Variants in ITPR2 observed in about 807,000 individuals in gnomAD.
ITPR2 encodes inositol 1,4,5-trisphosphate-gated calcium channel ITPR2.
ITPR2 carries 207 observed loss-of-function variants against 317.1 expected under a neutral mutation model. That is an observed-to-expected ratio of 0.65 (90% confidence interval 0.58 to 0.73). The LOEUF (loss-of-function observed/expected upper bound fraction) is 0.73, where lower values mean the gene tolerates loss of function less well. Ranked by LOEUF, ITPR2 falls within the 30% of genes least tolerant of loss-of-function variation. The pLI, the probability that ITPR2 is intolerant of heterozygous loss-of-function variation, is 0.00. For synonymous variants in ITPR2, 1,156 were observed against 1,149.1 expected, an observed-to-expected ratio of 1.01 and a Z score of -0.12; for missense variants, 2,613 against 3,284.0, an observed-to-expected ratio of 0.80 and a Z score of 4.99.
rs567336761 is a variant in ITPR2, at chr12:26,500,727, G to A, written c.5074-5467C>T. Among the ~76,000 whole-genome samples, 8 of 152,246 alleles carry A rather than the reference G, an allele frequency of 5.3e-5. 1 individual carries two copies. The South Asian group carries it at 6.2e-4, about 12-fold the overall frequency. ...TTTCCCACCCACTCCCTGTTACACC[G>A]AGTCCAATGCATCAAAAATTAAAAA... is the stretch of plus-strand genomic sequence containing the variant. On this transcript the variant is annotated intron_variant, in intron 37 of 56. Transcript: ENST00000381340.
intron 2 of ITPR2, among the ~76,000 whole-genome samples, chr12:26,761,793 T>A (rs1199588973): frequency 3.9e-5 from 6 of 152,164 alleles, no homozygotes; most frequent in Admixed American, 2.6e-4. Flanking sequence ...CGAGATCCTG[T>A]CTCTAAAAAA....
At chr12:26,800,543 T>G (rs10743595) in intron 1 of ITPR2, among the ~76,000 whole-genome samples, 119,939 of 152,184 alleles carry the variant, frequency 0.79, 47,470 homozygotes, top group East Asian at 0.95. Context: ...CAGGGGGATT[T>G]CTTGAGCCCA....
intron 45 of ITPR2, among the ~76,000 whole-genome samples, chr12:26,457,445 A>G (rs1351242168): frequency 6.6e-6 from 1 of 152,150 alleles, no homozygotes; most frequent in African/African-American, 2.4e-5. Context: ...TTGCTGTGAA[A>G]CTGGAAGTAT....
chr12:26,511,997 T>C (rs918755676), intron 37 of ITPR2, among the ~76,000 whole-genome samples: 1 of 152,164 alleles, frequency 6.6e-6, no homozygotes, highest in Non-Finnish European at 1.5e-5. Flanking sequence ...AGTACCTCTC[T>C]GCCTCATCTA....
At chr12:26,415,669 A>C (rs1443651394) in intron 50 of ITPR2, among the ~76,000 whole-genome samples, 171 bp from the exon 51 acceptor site, 1 of 152,232 alleles carries the variant, frequency 6.6e-6, no homozygotes. Context: ...CAGCTGGAAT[A>C]TATTAATAAA....
chr12:26,757,778 T>G (rs12321882), intron 2 of ITPR2, among the ~76,000 whole-genome samples: 2,698 of 152,338 alleles, frequency 0.018, 75 homozygotes, highest in African/African-American at 0.06. Context: ...CAACCGTTAT[T>G]CTTTCTCTCT....
At chr12:26,646,663 T>G (rs1947120880) in intron 21 of ITPR2, among the ~76,000 whole-genome samples, 1 of 152,168 alleles carries the variant, frequency 6.6e-6, no homozygotes, top group Non-Finnish European at 1.5e-5. Flanking sequence ...CAGAATTATT[T>G]TAGGAAAGGA....
intron 45 of ITPR2, among the ~76,000 whole-genome samples, chr12:26,448,831 G>T (rs1414072935): frequency 4.6e-5 from 7 of 152,126 alleles, no homozygotes; most frequent in Non-Finnish European, 8.8e-5. Context: ...ACATGTATAT[G>T]TATATATTCA....
chr12:26,543,530 T>C (rs767082528), intron 37 of ITPR2, among the ~76,000 whole-genome samples: 2 of 152,084 alleles, frequency 1.3e-5, no homozygotes, highest in Admixed American at 1.3e-4. Flanking sequence ...TCACAGCACT[T>C]TGGGAGGCTG....
chr12:26,650,562 C>T (rs1276777135), intron 21 of ITPR2, among the ~76,000 whole-genome samples: 1 of 152,102 alleles, frequency 6.6e-6, no homozygotes, highest in African/African-American at 2.4e-5. Flanking sequence ...TAAAAAATCT[C>T]TGTATCTTCC....
intron 2 of ITPR2, among the ~76,000 whole-genome samples, chr12:26,784,695 C>T (rs1950179759): frequency 6.6e-6 from 1 of 151,606 alleles, no homozygotes; most frequent in Non-Finnish European, 1.5e-5. Context: ...CTCGCTACAG[C>T]CTCCACCTCC....
At chr12:26,758,147 T>A (rs1224394871) in intron 2 of ITPR2, among the ~76,000 whole-genome samples, 1 of 152,156 alleles carries the variant, frequency 6.6e-6, no homozygotes, top group East Asian at 1.9e-4. Flanking sequence ...GTCATCCCCA[T>A]CCCCTTTTCT....
At chr12:26,471,861 A>G (rs1037369181) in intron 45 of ITPR2, among the ~76,000 whole-genome samples, 1 of 152,248 alleles carries the variant, frequency 6.6e-6, no homozygotes, top group Admixed American at 6.5e-5. Flanking sequence ...ACTGGACTCT[A>G]CCAAATTCCT....
intron 35 of ITPR2, among the ~76,000 whole-genome samples, chr12:26,557,459 G>A (rs1944694367): frequency 6.6e-6 from 1 of 152,324 alleles, no homozygotes; most frequent in Non-Finnish European, 1.5e-5. Context: ...GAGACATCAG[G>A]TGAAGTCAGC....
intron 2 of ITPR2, among the ~76,000 whole-genome samples, chr12:26,735,724 G>A (rs1949109122): frequency 6.6e-6 from 1 of 152,182 alleles, no homozygotes; most frequent in South Asian, 2.1e-4. Context: ...AGGGTTAAAT[G>A]AACTTCAAAT....
rs772982404 is a variant in ITPR2, at chr12:26,494,158, T to C, written c.5365A>G (p.Thr1789Ala). The change falls in exon 39 of 57, where the codon ACA becomes GCA. Residue 1789 changes from threonine to alanine, a missense_variant. Physicochemically the swap from Thr to Ala is moderately conservative, Grantham distance 58 (BLOSUM62 0). Transcript: ENST00000381340. The stretch of plus-strand genomic sequence containing the variant: ...CATGATTGATGAACAAGTACCTGTG[T>C]TTGTGTATTTCCTCCTTCAAGCAAG... ...IALLEGGNTQ[T>A]QYSFYQQLHE... The C allele has an allele frequency of 3.1e-6, 5 of 1,609,668 alleles. No individual in the cohort carries two copies. The East Asian group carries it at 6.7e-5, about 22-fold the overall frequency.
rs534854784 is a variant in ITPR2, at chr12:26,597,731, T to A, written c.4003-597A>T. Among the ~76,000 whole-genome samples the A allele has an allele frequency of 5.3e-5, 8 of 152,276 alleles. No homozygotes were observed. The East Asian group carries it at 1.5e-3, about 29-fold the overall frequency. ...AGGTAGGGTCTTTTAAGACATAAAT[T>A]TTCCTTCACATTTTGTTTATATAAT... On this transcript the variant is annotated intron_variant, in intron 30 of 56. Transcript: ENST00000381340.
intron 54 of ITPR2, among the ~76,000 whole-genome samples, chr12:26,391,050 C>A (rs1020749472): frequency 1.3e-5 from 2 of 152,020 alleles, no homozygotes; most frequent in Non-Finnish European, 2.9e-5. Context: ...TAAAAGGTTT[C>A]CAAGAGGTGC....
At chr12:26,573,347 G>T (rs931344886) in intron 34 of ITPR2, among the ~76,000 whole-genome samples, 10 of 152,208 alleles carry the variant, frequency 6.6e-5, no homozygotes, top group Admixed American at 1.3e-4. Flanking sequence ...CCAGCCTATG[G>T]ATTATTGTCA....
Sources: allele counts gnomAD v4.1 joint callset (sites outside exome capture counted in the v4.1 genomes callset), GRCh38; gene constraint gnomAD v4.1.1; transcripts MANE v1.5; gene names NCBI Gene and HGNC (gene_info 2026-07-23, HGNC 2026-07-21).